Variants in DEFA5 observed in about 807,000 individuals in gnomAD.
DEFA5 encodes HD5(20-94).
Under a neutral mutation model 8.7 loss-of-function variants are expected in DEFA5, and 11 were observed. That is an observed-to-expected ratio of 1.26 (90% confidence interval 0.80 to 2.09). DEFA5 has a LOEUF of 2.09. Among genes scored for constraint, DEFA5 ranks in the 30% most tolerant of loss-of-function variants. The pLI is 0.00. For missense variants in DEFA5, 181 were observed against 117.2 expected (o/e 1.54, Z -2.52); for synonymous variants, 52 against 43.9 (o/e 1.18, Z -0.73).
intron 1 of DEFA5, among the ~76,000 whole-genome samples, 160 bp downstream of exon 1, chr8:7,056,366 T>A (rs186966682): frequency 6.6e-6 from 1 of 152,368 alleles, no homozygotes; most frequent in East Asian, 1.9e-4. Flanking sequence ...TTTAGATTTA[T>A]TTGGTTCTCA....
chr8:7,056,091 G>T (rs1812419082), intron 1 of DEFA5, among the ~76,000 whole-genome samples: 2 of 130,470 alleles, frequency 1.5e-5, no homozygotes, highest in Admixed American at 8.8e-5. Context: ...TTGTGTATAT[G>T]TATGAGACAC....
At chr8:7,055,661 A>G (rs1324250511) in intron 1 of DEFA5, 118 bp from the exon 2 acceptor site, 2 of 679,162 alleles carry the variant, frequency 2.9e-6, no homozygotes, top group Non-Finnish European at 5.2e-6. Context: ...TAGGATGGAG[A>G]AAATTCATGT....
In DEFA5 at chr8:7,056,564, G is replaced by T; in HGVS notation, c.134C>A (p.Ser45Tyr). 1 of 1,613,798 alleles carries T rather than the reference G, an allele frequency of 6.2e-7. No homozygotes were observed. The highest frequency in any genetic ancestry group is 1.1e-5 in the South Asian group (1 of 91,024). Residue 45 changes from serine (S) to tyrosine (Y), a missense_variant, in exon 1 of 2, where the codon TCC becomes TAC. Physicochemically the swap from Ser to Tyr is moderately radical, Grantham distance 144. Coordinates refer to ENST00000330590, the MANE Select transcript of DEFA5 (RefSeq NM_021010.3). ...SGEDNQDLAI[S>Y]FAGNGLSALR... ...AGCAGAGAGTCCATTTCCTGCAAAG[G>T]AGATAGCAAGGTCCTGGTTGTCTTC...
intron 1 of DEFA5, 82 bp from the exon 2 acceptor site, chr8:7,055,625 A>C: frequency 1.2e-6 from 1 of 865,960 alleles, no homozygotes; most frequent in South Asian, 1.4e-5. Context: ...AGATAGTCTA[A>C]ATAAGAGACA....
At position 7,056,611 on chromosome 8, in the gene DEFA5, AG is replaced by A. The variant is rs1181318890; in HGVS notation, c.86del (p.Ala29ValfsTer71). ...CTTCCCCAGACTGCTTCTGGGTTGT[AG>A]CCTCATCAGCTCTTTCCTGGAGTGA... Reference protein sequence around the residue: ...AESLQERADEATTQKQSGEDN... With the variant: ...AESLQERADEXTTQKQSGEDN... On this transcript the variant is annotated frameshift_variant, in exon 1 of 2. Coordinates refer to ENST00000330590, the MANE Select transcript of DEFA5 (RefSeq NM_021010.3). LOFTEE classifies it high-confidence loss of function. The A allele has an allele frequency of 1.9e-6, 3 of 1,614,178 alleles. No individual in the cohort carries two copies. The highest frequency in any genetic ancestry group is 2.5e-6 in the Non-Finnish European group (3 of 1,179,998).
intron 1 of DEFA5, 42 bp from the exon 2 acceptor site, chr8:7,055,585 G>T (rs768626696): frequency 1.9e-5 from 27 of 1,386,844 alleles, no homozygotes; most frequent in Non-Finnish European, 2.3e-5. Context: ...AGGGAGGTGG[G>T]AAAAAGGACA....
At chr8:7,056,447 T>C in intron 1 of DEFA5, 79 bp downstream of exon 1, 1 of 1,434,056 alleles carries the variant, frequency 7.0e-7, no homozygotes, top group Non-Finnish European at 9.4e-7. Flanking sequence ...GAGGTAGACC[T>C]TTCCACACTT....
Position 7,056,575 on chromosome 8 carries a change from G to C in DEFA5, c.123C>G (p.Asp41Glu), listed in dbSNP as rs199707695. The change falls in exon 1 of 2, where the codon GAC becomes GAG. Residue 41 changes from aspartate (D) to glutamate (E), a missense_variant. By Grantham distance (45) the Asp-to-Glu change is conservative. Coordinates refer to ENST00000330590, the MANE Select transcript of DEFA5 (RefSeq NM_021010.3). ...TQKQSGEDNQ[D>E]LAISFAGNGL... ...CATTTCCTGCAAAGGAGATAGCAAG[G>C]TCCTGGTTGTCTTCCCCAGACTGCT... 2 of 1,614,052 alleles carry C rather than the reference G, an allele frequency of 1.2e-6. No homozygotes were observed. The highest frequency in any genetic ancestry group is 1.7e-6 in the Non-Finnish European group (2 of 1,179,920).
chr8:7,055,434 G>C lies in DEFA5; in HGVS notation c.282C>G (p.Arg94=), dbSNP rs1812381768. ...ISGRLYRLCC[R] Reference sequence around the variant, plus strand: ...CTTTGGTTTCTATCTAGGAAGCTCAGCGACAGCAGAGTCTGTAGAGGCGGC... The same window carrying C: ...CTTTGGTTTCTATCTAGGAAGCTCACCGACAGCAGAGTCTGTAGAGGCGGC... Residue 94 remains arginine (R), a synonymous_variant, in exon 2 of 2, where the codon CGC becomes CGG. Coordinates refer to ENST00000330590, the MANE Select transcript of DEFA5 (RefSeq NM_021010.3). 1.2e-6 allele frequency: 2 copies of C among 1,613,362 alleles called. No homozygotes were observed. The highest frequency in any genetic ancestry group is 1.7e-6 in the Non-Finnish European group (2 of 1,179,594).
intron 1 of DEFA5, 35 bp from the exon 2 acceptor site, chr8:7,055,578 G>A (rs1435087745): frequency 6.8e-7 from 1 of 1,479,368 alleles, no homozygotes; most frequent in Non-Finnish European, 9.4e-7. Flanking sequence ...CACAGCGAGG[G>A]AGGTGGGAAA....
intron 1 of DEFA5, 37 bp from the exon 2 acceptor site, chr8:7,055,580 G>C: frequency 6.8e-7 from 1 of 1,472,112 alleles, no homozygotes; most frequent in Non-Finnish European, 9.4e-7. Context: ...CAGCGAGGGA[G>C]GTGGGAAAAA....
intron 1 of DEFA5, 135 bp from the exon 2 acceptor site, chr8:7,055,678 C>T (rs1325838906): frequency 7.8e-6 from 5 of 642,324 alleles, no homozygotes; most frequent in South Asian, 3.7e-5. Flanking sequence ...ATGTCTTTGT[C>T]GTAAGTGACA....
At position 7,056,602 on chromosome 8, in the gene DEFA5, C is replaced by T; in HGVS notation, c.96G>A (p.Gln32=). 1.2e-6 allele frequency: 2 copies of T among 1,614,194 alleles called. No individual in the cohort carries two copies. The highest frequency in any genetic ancestry group is 1.7e-6 in the Non-Finnish European group (2 of 1,180,004). Residue 32 remains glutamine, a synonymous_variant, in exon 1 of 2, where the codon CAG becomes CAA. Transcript: ENST00000330590. ...LQERADEATT[Q]KQSGEDNQDL... Reference sequence around the variant, plus strand: ...CCTGGTTGTCTTCCCCAGACTGCTTCTGGGTTGTAGCCTCATCAGCTCTTT... The same window carrying T: ...CCTGGTTGTCTTCCCCAGACTGCTTTTGGGTTGTAGCCTCATCAGCTCTTT...
intron 1 of DEFA5, among the ~76,000 whole-genome samples, chr8:7,056,014 CTTTTTTTTTTTTT>C (rs56220551): frequency 8.9e-6 from 1 of 112,946 alleles, no homozygotes; most frequent in Non-Finnish European, 1.7e-5. Context: ...TCTGTCTCTC[CTTTTTTTTTTTTT>C]TTTTTTTTTT....
At position 7,055,484 on chromosome 8, in the gene DEFA5, G is replaced by C; in HGVS notation, c.232C>G (p.Leu78Val). Residue 78 changes from leucine to valine, a missense_variant, in exon 2 of 2, where the codon CTC (leucine) becomes GTC (valine). Transcript: ENST00000330590. ...RTGRCATRES[L>V]SGVCEISGRL... ...CCACTGATTTCACACACCCCGGAGA[G>C]GGACTCACGGGTAGCACAACGGCCG... 3.7e-6 allele frequency: 6 copies of C among 1,613,858 alleles called. No homozygotes were observed. Among genetic ancestry groups the C allele is most frequent in the Non-Finnish European group, 3.4e-6 (4 of 1,179,922 alleles).
In DEFA5 at chr8:7,056,375, C is replaced by T. The variant is rs571940519; in HGVS notation, c.172+151G>A. 3.3e-5 allele frequency: 25 copies of T among 755,302 alleles called. No individual in the cohort carries two copies. The South Asian group carries it at 7.7e-4, about 23-fold the overall frequency. The allele number at this position is 755,302 out of a possible 1,614,324, so 46.8% of individuals were successfully genotyped here. On this transcript the variant is annotated intron_variant, in intron 1 of 1. Transcript: ENST00000330590. ...AAATCTTTTAGATTTATTTGGTTCT[C>T]ACTGATTAATTTATAGATGAGAAAA...
rs1464033766 is a variant in DEFA5, at chr8:7,055,425, G to A, written c.*6C>T. On this transcript the variant is annotated 3_prime_UTR_variant, in exon 2 of 2. Transcript: ENST00000330590. ...CTTGCACTGCTTTGGTTTCTATCTA[G>A]GAAGCTCAGCGACAGCAGAGTCTGT... The A allele has an allele frequency of 2.5e-6, 4 of 1,611,382 alleles. No individual in the cohort carries two copies. In the East Asian group the frequency reaches 8.9e-5, roughly 36 times the overall value.
chr8:7,055,460 C>T lies in DEFA5; in HGVS notation c.256G>A (p.Gly86Ser), dbSNP rs142247713. The change falls in exon 2 of 2, where the codon GGC becomes AGC. Residue 86 changes from glycine (G) to serine (S), a missense_variant. Physicochemically the swap from Gly to Ser is moderately conservative, Grantham distance 56. Coordinates refer to ENST00000330590, the MANE Select transcript of DEFA5 (RefSeq NM_021010.3). Reference sequence around the variant, plus strand: ...CGACAGCAGAGTCTGTAGAGGCGGCCACTGATTTCACACACCCCGGAGAGG... The same window carrying T: ...CGACAGCAGAGTCTGTAGAGGCGGCTACTGATTTCACACACCCCGGAGAGG... ...ESLSGVCEIS[G>S]RLYRLCCR 3.3e-5 allele frequency: 53 copies of T among 1,613,806 alleles called. No individual in the cohort carries two copies. The African/African-American group carries it at 5.7e-4, about 17-fold the overall frequency.
intron 1 of DEFA5, 77 bp from the exon 2 acceptor site, chr8:7,055,620 G>T: frequency 1.1e-6 from 1 of 915,670 alleles, no homozygotes; most frequent in Non-Finnish European, 1.8e-6. Flanking sequence ...AACTGAGATA[G>T]TCTAAATAAG....
Sources: allele counts gnomAD v4.1 joint callset (sites outside exome capture counted in the v4.1 genomes callset), GRCh38; gene constraint gnomAD v4.1.1; transcripts MANE v1.5; gene names NCBI Gene and HGNC (gene_info 2026-07-23, HGNC 2026-07-21).